The following NEO1 variants were observed in gnomAD, a reference collection of about 807,000 sequenced individuals.
NEO1 encodes the protein neogenin 1.
In NEO1, 63 loss-of-function variants were observed where a neutral mutation model predicts 159.7. The ratio of observed to expected loss-of-function variants is 0.39; its 90% CI spans 0.32 to 0.49. NEO1 has a LOEUF of 0.49. Among genes scored for constraint, NEO1 ranks in the 20% least tolerant of loss-of-function variants. The probability of loss-of-function intolerance (pLI) is 0.85; values close to 1 mark genes in which losing one functional copy is unlikely to be tolerated. For synonymous variants in NEO1, 633 were observed against 662.0 expected, an observed-to-expected ratio of 0.96 and a Z score of 0.67; for missense variants, 1,615 against 1,831.0, an observed-to-expected ratio of 0.88 and a Z score of 2.15.
At chr15:73,166,097 A>T (rs1340760102) in intron 5 of NEO1, among the ~76,000 whole-genome samples, 1 of 151,924 alleles carries the variant, frequency 6.6e-6, no homozygotes, top group Non-Finnish European at 1.5e-5. Flanking sequence ...TCCACTGAGG[A>T]CCCACCCTAA....
chr15:73,284,423 A>G (rs1308338117), intron 23 of NEO1, among the ~76,000 whole-genome samples: 2 of 152,114 alleles, frequency 1.3e-5, no homozygotes, highest in African/African-American at 2.4e-5. Flanking sequence ...ACTGGTAATG[A>G]CTTTATGTCA....
At chr15:73,169,355 A>G (rs2034797541) in intron 5 of NEO1, among the ~76,000 whole-genome samples, 1 of 152,172 alleles carries the variant, frequency 6.6e-6, no homozygotes, top group Admixed American at 6.5e-5. Flanking sequence ...AACAAAATGC[A>G]TAATCTTCCA....
At chr15:73,201,018 G>T (rs2036851038) in intron 7 of NEO1, among the ~76,000 whole-genome samples, 1 of 151,988 alleles carries the variant, frequency 6.6e-6, no homozygotes, top group Admixed American at 6.6e-5. Flanking sequence ...AATGAGTAGT[G>T]TTAGCCCCTC....
At chr15:73,232,621 C>T (rs887925050) in intron 7 of NEO1, among the ~76,000 whole-genome samples, 5 of 152,172 alleles carry the variant, frequency 3.3e-5, no homozygotes, top group Non-Finnish European at 4.4e-5. Flanking sequence ...TACACATGGC[C>T]TTCAGTCAAC....
chr15:73,277,446 G>A (rs1231540472), intron 21 of NEO1, among the ~76,000 whole-genome samples: 1 of 152,122 alleles, frequency 6.6e-6, no homozygotes, highest in Non-Finnish European at 1.5e-5. Flanking sequence ...CTAGGCCTGA[G>A]GTCAGCAGCC....
chr15:73,301,583 C>G (rs563686051), intron 28 of NEO1, 126 bp downstream of exon 28: 1 of 1,245,606 alleles, frequency 8.0e-7, no homozygotes, highest in East Asian at 2.5e-5. Flanking sequence ...AGCAGATACA[C>G]TCATTCATTC....
chr15:73,274,731 G>T lies in NEO1; in HGVS notation c.3193+7G>T. The stretch of plus-strand genomic sequence containing the variant: ...AAAATGCCTAATGATCAAGGTAAAT[G>T]AGTAGATGGCCTCTCTTTTCTTTCC... On this transcript the variant is annotated splice_region_variant and intron_variant, in intron 21 of 28. Coordinates refer to ENST00000261908, the MANE Select transcript of NEO1 (RefSeq NM_002499.4). 6.2e-7 allele frequency: 1 copy of T among 1,612,428 alleles called. No individual in the cohort carries two copies.
chr15:73,244,575 A>C, intron 9 of NEO1, 77 bp downstream of exon 9: 1 of 1,445,314 alleles, frequency 6.9e-7, no homozygotes, highest in Non-Finnish European at 9.4e-7. Flanking sequence ...AGCCTTGCAC[A>C]CCATAGGGGA....
intron 7 of NEO1, among the ~76,000 whole-genome samples, chr15:73,219,933 A>T (rs1159296680): frequency 6.6e-6 from 1 of 151,150 alleles, no homozygotes; most frequent in Non-Finnish European, 1.5e-5. Flanking sequence ...ATTTAAAGTT[A>T]ATATTGTTAT....
chr15:73,065,644 T>C (rs1384549173), intron 1 of NEO1, among the ~76,000 whole-genome samples: 2 of 152,252 alleles, frequency 1.3e-5, no homozygotes, highest in African/African-American at 4.8e-5. Context: ...TCTTTAGTTA[T>C]GGTTGTCAGA....
chr15:73,107,959 A>G (rs529224584), intron 1 of NEO1, among the ~76,000 whole-genome samples: 45 of 152,238 alleles, frequency 3.0e-4, no homozygotes, highest in Non-Finnish European at 5.4e-4. Flanking sequence ...AGGCGGGAGG[A>G]TGACTTGAAA....
chr15:73,220,118 T>G (rs1596377602), intron 7 of NEO1, among the ~76,000 whole-genome samples: 2 of 152,148 alleles, frequency 1.3e-5, no homozygotes, highest in South Asian at 2.1e-4. Flanking sequence ...GGGCAGGCCT[T>G]GTGGTGACAA....
chr15:73,066,674 T>G, intron 1 of NEO1, among the ~76,000 whole-genome samples: 1 of 152,146 alleles, frequency 6.6e-6, no homozygotes, highest in Admixed American at 6.5e-5. Flanking sequence ...TGAAATAGTT[T>G]AGGTATACCT....
intron 1 of NEO1, among the ~76,000 whole-genome samples, chr15:73,061,383 C>T (rs2067970547): frequency 6.6e-6 from 1 of 152,168 alleles, no homozygotes. Context: ...ACTGTAGATA[C>T]AGTTGCTGTC....
chr15:73,298,356 C>G lies in NEO1; in HGVS notation c.3910C>G (p.Arg1304Gly). ...AGACTTTCCTGCTGTAGAATCCGTTCGAAATACCCCCAGCACTGACACCAT... is the reference window on the plus strand; with the variant it reads ...AGACTTTCCTGCTGTAGAATCCGTTGGAAATACCCCCAGCACTGACACCAT... ...SDRANSTESV[R>G]NTPSTDTMPA... Residue 1304 changes from arginine to glycine, a missense_variant, in exon 27 of 29, where the codon CGA becomes GGA. Arg to Gly is a moderately radical substitution (Grantham distance 125). Around this residue, in one of 3 missense-constraint regions of NEO1, gnomAD observed 471 missense variants for 498.9 expected, o/e 0.94. Coordinates refer to ENST00000261908, the MANE Select transcript of NEO1 (RefSeq NM_002499.4). 1 of 1,613,940 alleles carries G rather than the reference C, an allele frequency of 6.2e-7. No individual in the cohort carries two copies. Among genetic ancestry groups the G allele is most frequent in the Non-Finnish European group, 8.5e-7 (1 of 1,179,852 alleles).
At position 73,242,922 on chromosome 15, in the gene NEO1, T is replaced by G. The variant is rs151132670; in HGVS notation, c.1452-1422T>G. ...TCCGCTTATACGTGGACCTACACAG[T>G]TCAAACCTGTCTTGTTCAAGCATCA... is the stretch of plus-strand genomic sequence containing the variant. On this transcript the variant is annotated intron_variant, in intron 8 of 28. Coordinates refer to ENST00000261908, the MANE Select transcript of NEO1 (RefSeq NM_002499.4). 4.3e-4 allele frequency among the ~76,000 whole-genome samples: 66 copies of G among 152,264 alleles called. No homozygotes were observed. The East Asian group carries it at 0.013, about 29-fold the overall frequency.
intron 1 of NEO1, among the ~76,000 whole-genome samples, chr15:73,076,183 T>C (rs1341249735): frequency 6.6e-6 from 1 of 152,190 alleles, no homozygotes; most frequent in Non-Finnish European, 1.5e-5. Context: ...TTTGTGATGG[T>C]ATAACATTGC....
At chr15:73,298,232 A>G (rs1338073900) in intron 26 of NEO1, 116 bp from the exon 27 acceptor site, 23 of 1,252,606 alleles carry the variant, frequency 1.8e-5, no homozygotes, top group Non-Finnish European at 2.5e-5. Context: ...TTGGACTAGC[A>G]CTGATCGCAA....
intron 5 of NEO1, among the ~76,000 whole-genome samples, chr15:73,171,949 A>G (rs1168652658): frequency 6.6e-6 from 1 of 152,024 alleles, no homozygotes; most frequent in African/African-American, 2.4e-5. Context: ...CCAATAAATT[A>G]TTTTAGATAC....
Sources: allele counts gnomAD v4.1 joint callset (sites outside exome capture counted in the v4.1 genomes callset), GRCh38; gene constraint gnomAD v4.1.1; regional missense constraint gnomAD v4.1.1; transcripts MANE v1.5; gene names NCBI Gene and HGNC (gene_info 2026-07-23, HGNC 2026-07-21).